The following MBD5 variants were observed in gnomAD, a reference collection of about 807,000 sequenced individuals.
MBD5 encodes the protein methyl-CpG-binding domain protein 5.
MBD5 carries 13 observed loss-of-function variants against 117.3 expected under a neutral mutation model. The observed-to-expected ratio is 0.11, with a 90% CI of 0.07 to 0.18. MBD5 has a LOEUF of 0.18. Among genes scored for constraint, MBD5 ranks in the 10% least tolerant of loss-of-function variants. The probability of loss-of-function intolerance (pLI) is 1.00; values close to 1 mark genes in which losing one functional copy is unlikely to be tolerated. For synonymous variants in MBD5, 727 were observed against 766.4 expected, an observed-to-expected ratio of 0.95 and a Z score of 0.85; for missense variants, 1,879 against 2,093.8, an observed-to-expected ratio of 0.90 and a Z score of 2.00.
chr2:148,233,935 A>G (rs912103521), intron 3 of MBD5, among the ~76,000 whole-genome samples: 9 of 152,154 alleles, frequency 5.9e-5, no homozygotes, highest in Admixed American at 2.0e-4. Context: ...TTCTGCATCA[A>G]AATATTTCAT....
chr2:148,121,014 C>T (rs891191651), intron 1 of MBD5, among the ~76,000 whole-genome samples: 2 of 152,092 alleles, frequency 1.3e-5, no homozygotes, highest in Non-Finnish European at 2.9e-5. Flanking sequence ...ACAATAGATT[C>T]GTCATTTTAT....
chr2:148,059,357 A>G (rs1573966082), intron 1 of MBD5, among the ~76,000 whole-genome samples: 1 of 152,172 alleles, frequency 6.6e-6, no homozygotes, highest in Non-Finnish European at 1.5e-5. Context: ...GTAATTTTGT[A>G]CTGGTAACCC....
intron 4 of MBD5, among the ~76,000 whole-genome samples, chr2:148,435,851 T>A (rs1706140704): frequency 6.6e-6 from 1 of 152,320 alleles, no homozygotes; most frequent in South Asian, 2.1e-4. Flanking sequence ...GGTTGCTTGC[T>A]TTCTTCCTGT....
At chr2:148,312,285 C>T (rs1702051162) in intron 3 of MBD5, among the ~76,000 whole-genome samples, 1 of 152,218 alleles carries the variant, frequency 6.6e-6, no homozygotes, top group African/African-American at 2.4e-5. Context: ...TTCAGGTACA[C>T]CAATCAAACG....
intron 8 of MBD5, among the ~76,000 whole-genome samples, chr2:148,482,482 CAT>C (rs1252490575): frequency 6.6e-6 from 1 of 151,696 alleles, no homozygotes; most frequent in Non-Finnish European, 1.5e-5. Flanking sequence ...ATATATGTAA[CAT>C]ATATATGCAT....
At chr2:148,049,376 T>G (rs1333233114) in intron 1 of MBD5, among the ~76,000 whole-genome samples, 1 of 152,222 alleles carries the variant, frequency 6.6e-6, no homozygotes, top group Non-Finnish European at 1.5e-5. Context: ...ATAATTGTTA[T>G]GCTGTGGTTT....
At chr2:148,416,395 A>C (rs1705418878) in intron 4 of MBD5, among the ~76,000 whole-genome samples, 1 of 152,132 alleles carries the variant, frequency 6.6e-6, no homozygotes, top group Non-Finnish European at 1.5e-5. Context: ...TGCTAGCCAA[A>C]GCAGTTCATT....
chr2:148,225,842 G>A (rs1168867599), intron 2 of MBD5, among the ~76,000 whole-genome samples: 1 of 152,134 alleles, frequency 6.6e-6, no homozygotes, highest in East Asian at 1.9e-4. Context: ...GAACTCCATT[G>A]TATGCTATTT....
intron 4 of MBD5, among the ~76,000 whole-genome samples, chr2:148,357,426 C>A (rs1004303886): frequency 3.3e-5 from 5 of 151,116 alleles, no homozygotes; most frequent in African/African-American, 4.9e-5. Flanking sequence ...CTTTGTAGGT[C>A]ATCTGCTTTT....
At chr2:148,393,252 T>C (rs1052248520) in intron 4 of MBD5, 3 of 152,142 alleles carry the variant, frequency 2.0e-5, no homozygotes, top group African/African-American at 7.2e-5. Flanking sequence ...TGGGAAGGTA[T>C]TTCCATGTAA....
intron 11 of MBD5, among the ~76,000 whole-genome samples, chr2:148,493,165 T>G (rs1574488679): frequency 6.6e-6 from 1 of 152,208 alleles, no homozygotes; most frequent in East Asian, 1.9e-4. Flanking sequence ...CTTGCTAATG[T>G]GCAATGTGGG....
intron 1 of MBD5, among the ~76,000 whole-genome samples, chr2:148,161,070 A>G (rs1365035941): frequency 6.6e-6 from 1 of 152,216 alleles, no homozygotes; most frequent in Non-Finnish European, 1.5e-5. Flanking sequence ...TCAGTTTCAC[A>G]GCTACAAATA....
intron 4 of MBD5, among the ~76,000 whole-genome samples, chr2:148,413,452 G>A (rs919289128): frequency 2.0e-5 from 3 of 150,508 alleles, no homozygotes; most frequent in Non-Finnish European, 4.4e-5. Flanking sequence ...CCAGCTTTTG[G>A]TATCAGGATA....
intron 13 of MBD5, among the ~76,000 whole-genome samples, chr2:148,512,466 T>C (rs1682248458): frequency 6.6e-6 from 1 of 152,196 alleles, no homozygotes; most frequent in Non-Finnish European, 1.5e-5. Flanking sequence ...GGGGCATGTT[T>C]GGTGTGTAAT....
chr2:148,422,353 C>A (rs1039645235), intron 4 of MBD5, among the ~76,000 whole-genome samples: 4 of 152,116 alleles, frequency 2.6e-5, no homozygotes, highest in African/African-American at 4.8e-5. Flanking sequence ...CTGACTGTTA[C>A]AAGGAAAACT....
At chr2:148,367,843 G>T (rs1703745958) in intron 4 of MBD5, among the ~76,000 whole-genome samples, 1 of 152,130 alleles carries the variant, frequency 6.6e-6, no homozygotes, top group South Asian at 2.1e-4. Flanking sequence ...TTCTGAAGGG[G>T]ATGGGGAGAA....
chr2:148,186,367 G>C (rs1156639590), intron 2 of MBD5, among the ~76,000 whole-genome samples: 1 of 152,168 alleles, frequency 6.6e-6, no homozygotes, highest in African/African-American at 2.4e-5. Context: ...TTTCTTCCCA[G>C]TCTTGGGTAT....
At chr2:148,129,462 C>G (rs975875252) in intron 1 of MBD5, among the ~76,000 whole-genome samples, 8 of 151,966 alleles carry the variant, frequency 5.3e-5, no homozygotes, top group African/African-American at 1.9e-4. Flanking sequence ...CACCACTGCA[C>G]TCCAGACTGG....
chr2:148,420,791 A>G (rs567853147), intron 4 of MBD5, among the ~76,000 whole-genome samples: 2 of 151,992 alleles, frequency 1.3e-5, no homozygotes, highest in East Asian at 1.9e-4. Context: ...CGGTGGTGCT[A>G]TCTCTGCTCA....
Sources: gnomAD v4.1 joint callset for allele counts (sites outside exome capture counted in the v4.1 genomes callset) on GRCh38, gnomAD v4.1.1 for gene constraint, MANE v1.5 for transcripts, NCBI Gene and HGNC (gene_info 2026-07-23, HGNC 2026-07-21) for gene names.